CPAMD8: variants seen among roughly 807,000 people sequenced by gnomAD.
The protein encoded by CPAMD8 is C3 and PZP like alpha-2-macroglobulin domain containing 8.
A neutral mutation model predicts 224.7 loss-of-function variants in CPAMD8; 146 were observed. The ratio of observed to expected loss-of-function variants is 0.65; its 90% CI spans 0.57 to 0.75. The LOEUF is 0.75. Among genes scored for constraint, CPAMD8 ranks in the 30% least tolerant of loss-of-function variants. CPAMD8 has a pLI of 0.00. For missense variants in CPAMD8, 2,301 were observed against 2,537.5 expected (o/e 0.91, Z 2.00); for synonymous variants, 966 against 1,044.6 (o/e 0.92, Z 1.45).
At chr19:16,967,489 T>TA (rs2054868235) in intron 18 of CPAMD8, among the ~76,000 whole-genome samples, 3 of 151,908 alleles carry the variant, frequency 2.0e-5, no homozygotes, top group African/African-American at 4.8e-5. Context: ...TATAATTTTT[T>TA]AAAAAAAGAA....
rs374939930 is a variant in CPAMD8 at position 16,975,096 on chromosome 19, C to A, written c.2070+1G>T. 2.5e-6 allele frequency: 4 copies of A among 1,611,456 alleles called. No homozygotes were observed. Among genetic ancestry groups the A allele is most frequent in the Admixed American group, 1.7e-5 (1 of 59,758 alleles). The stretch of plus-strand genomic sequence containing the variant: ...AGGGATCTGAGACCACCTCTCCTTA[C>A]GGTGAAGGCAAACCCAGAGTCCTTG... On this transcript the variant is annotated splice_donor_variant, in intron 17 of 41. Coordinates refer to ENST00000443236, the MANE Select transcript of CPAMD8 (RefSeq NM_015692.5). LOFTEE classifies it high-confidence loss of function.
chr19:16,978,943 C>A (rs1176464655), intron 14 of CPAMD8, among the ~76,000 whole-genome samples: 1 of 151,388 alleles, frequency 6.6e-6, no homozygotes, highest in Admixed American at 6.6e-5. Context: ...ACCATCCATC[C>A]ATTTATCCAT....
Position 16,897,936 on chromosome 19 carries a change from C to T in CPAMD8, c.4907G>A (p.Gly1636Asp). ...GGAGACTGGCAGCGCCGACGTCCTG[C>T]CCACCACGCACTCCCGGAGAGCACG... ...RFRALRECVV[G>D]RTSALPVSVY... The change falls in exon 38 of 42, where the codon GGC becomes GAC. Residue 1636 changes from glycine to aspartate, a missense_variant. Coordinates refer to ENST00000443236, the MANE Select transcript of CPAMD8 (RefSeq NM_015692.5). 1.2e-6 allele frequency: 2 copies of T among 1,611,178 alleles called. No individual in the cohort carries two copies. The highest frequency in any genetic ancestry group is 1.7e-6 in the Non-Finnish European group (2 of 1,179,386).
chr19:16,949,239 T>C (rs1169215543), intron 20 of CPAMD8, among the ~76,000 whole-genome samples: 1 of 151,984 alleles, frequency 6.6e-6, no homozygotes, highest in Non-Finnish European at 1.5e-5. Context: ...GCACATACAC[T>C]GCCCAGCAGG....
At chr19:16,998,972 C>A (rs1331595115) in intron 10 of CPAMD8, among the ~76,000 whole-genome samples, 1 of 152,156 alleles carries the variant, frequency 6.6e-6, no homozygotes, top group Non-Finnish European at 1.5e-5. Flanking sequence ...TGTGGTCCAT[C>A]TGTACCAGGG....
intron 13 of CPAMD8, among the ~76,000 whole-genome samples, chr19:16,985,027 A>G (rs1184367471): frequency 1.3e-5 from 2 of 152,226 alleles, no homozygotes; most frequent in African/African-American, 4.8e-5. Context: ...GAATTAGACA[A>G]TATAATTTGG....
intron 27 of CPAMD8, among the ~76,000 whole-genome samples, chr19:16,920,105 G>A (rs563963538): frequency 9.0e-4 from 137 of 152,278 alleles, no homozygotes; most frequent in Non-Finnish European, 1.7e-3. Flanking sequence ...CCAGGAAGAC[G>A]TCCATGTTTG....
chr19:16,941,684 CTG>C (rs907750638), intron 22 of CPAMD8, among the ~76,000 whole-genome samples: 7 of 152,126 alleles, frequency 4.6e-5, no homozygotes, highest in African/African-American at 1.4e-4. Context: ...TTGTTTGAAA[CTG>C]TGAAGCGGCT....
chr19:16,987,457 C>T (rs954891230), intron 13 of CPAMD8, among the ~76,000 whole-genome samples: 6 of 151,762 alleles, frequency 4.0e-5, no homozygotes, highest in African/African-American at 7.2e-5. Flanking sequence ...TCCCACTTCA[C>T]GAACAGTCAA....
intron 15 of CPAMD8, among the ~76,000 whole-genome samples, chr19:16,976,398 G>A (rs1035749588): frequency 6.6e-6 from 1 of 151,974 alleles, no homozygotes; most frequent in African/African-American, 2.4e-5. Flanking sequence ...ATCGCTTGAA[G>A]CCCAGAGACA....
intron 19 of CPAMD8, 35 bp from the exon 20 acceptor site, chr19:16,952,235 TTCTCC>T: frequency 3.3e-6 from 4 of 1,213,032 alleles, no homozygotes; most frequent in Non-Finnish European, 4.8e-6. Flanking sequence ...TGGGGGGCCC[TTCTCC>T]AGGGCCATGC....
chr19:16,925,245 C>T lies in CPAMD8; in HGVS notation c.3498G>A (p.Gln1166=), dbSNP rs1269978949. 6.2e-7 allele frequency: 1 copy of T among 1,614,220 alleles called. No homozygotes were observed. Among genetic ancestry groups the T allele is most frequent in the African/African-American group, 1.3e-5 (1 of 75,066 alleles). ...CTCTCTCCACCTCAGGGCTGAGCTG[C>T]TGGGTTTTCTGAAGATACTTCAAGA... ...VFVLKYLQKT[Q]QLSPEVERET... Residue 1166 remains glutamine, a synonymous_variant, in exon 26 of 42, where the codon CAG becomes CAA. Coordinates refer to ENST00000443236, the MANE Select transcript of CPAMD8 (RefSeq NM_015692.5).
intron 9 of CPAMD8, 81 bp from the exon 10 acceptor site, chr19:17,000,603 A>C (rs1407627779): frequency 2.9e-6 from 2 of 697,256 alleles, no homozygotes; most frequent in African/African-American, 3.4e-5. Flanking sequence ...CCAGGTTGAC[A>C]TAGTGTGGCC....
intron 28 of CPAMD8, 39 bp from the exon 29 acceptor site, chr19:16,914,537 A>G (rs1170231189): frequency 1.7e-5 from 27 of 1,611,386 alleles, no homozygotes; most frequent in Non-Finnish European, 2.1e-5. Flanking sequence ...AAGCCAAAGG[A>G]GACAGTCCAC....
At chr19:16,933,231 T>A in intron 23 of CPAMD8, among the ~76,000 whole-genome samples, 1 of 151,742 alleles carries the variant, frequency 6.6e-6, no homozygotes, top group Non-Finnish European at 1.5e-5. Context: ...AGTGTAAAAC[T>A]TAAAACTACA....
At chr19:16,982,477 G>C (rs1424023710) in intron 13 of CPAMD8, among the ~76,000 whole-genome samples, 1 of 152,024 alleles carries the variant, frequency 6.6e-6, no homozygotes, top group East Asian at 1.9e-4. Flanking sequence ...GGAAGAATCT[G>C]CCTGTTTAAG....
intron 7 of CPAMD8, among the ~76,000 whole-genome samples, chr19:17,007,320 G>A (rs551271704): frequency 2.0e-5 from 3 of 150,942 alleles, no homozygotes; most frequent in Non-Finnish European, 4.4e-5. Flanking sequence ...GGTGACAATA[G>A]CAAGACTGTA....
At position 16,896,301 on chromosome 19, in the gene CPAMD8, GGAC is replaced by G. The variant is rs758171602; in HGVS notation, c.5298_5300del (p.Ser1768del). 16 of 1,610,476 alleles carry G rather than the reference GGAC, an allele frequency of 9.9e-6. No individual in the cohort carries two copies. Among genetic ancestry groups the G allele is most frequent in the Admixed American group, 6.7e-5 (4 of 59,802 alleles). On this transcript the variant is annotated inframe_deletion, in exon 41 of 42. Coordinates refer to ENST00000443236, the MANE Select transcript of CPAMD8 (RefSeq NM_015692.5). ...AAGCCAGGTCATCCCCGTAGGTGGA[GGAC>G]GACGAGGCCGGCAGCCGCTGCTCTG...
In CPAMD8 at chr19:16,997,151, G is replaced by C. The variant is rs755748435; in HGVS notation, c.1055C>G (p.Thr352Arg). The C allele has an allele frequency of 1.9e-6, 3 of 1,608,540 alleles. No individual in the cohort carries two copies. The highest frequency in any genetic ancestry group is 1.1e-5 in the South Asian group (1 of 90,952). Reference protein sequence around the residue: ...QLVDIRYSKDTRKQFKPGLAY... With the variant: ...QLVDIRYSKDRRKQFKPGLAY... ...CAGGCCCGGCTTGAACTGCTTCCTC[G>C]TGTCCTTGGAGTACCGGATGTCCAC... The change falls in exon 11 of 42, where the codon ACG (threonine) becomes AGG (arginine). Residue 352 changes from threonine (T) to arginine (R), a missense_variant. Physicochemically the swap from Thr to Arg is moderately conservative, Grantham distance 71 (BLOSUM62 -1). This residue lies in a region of CPAMD8 where 301 missense variants were observed against 406.6 expected (regional missense o/e 0.74). Coordinates refer to ENST00000443236, the MANE Select transcript of CPAMD8 (RefSeq NM_015692.5).
Sources: allele counts gnomAD v4.1 joint callset (sites outside exome capture counted in the v4.1 genomes callset), GRCh38; gene constraint gnomAD v4.1.1; regional missense constraint gnomAD v4.1.1; transcripts MANE v1.5; gene names NCBI Gene and HGNC (gene_info 2026-07-23, HGNC 2026-07-21).